Variants in FA2H observed in about 807,000 individuals in gnomAD.
FA2H encodes the protein fatty acid 2-hydroxylase.
A neutral mutation model predicts 44.9 loss-of-function variants in FA2H; 22 were observed. The ratio of observed to expected loss-of-function variants is 0.49; its 90% confidence interval spans 0.35 to 0.70. The LOEUF (loss-of-function observed/expected upper bound fraction) is 0.70. Among genes scored for constraint, FA2H ranks in the 30% least tolerant of loss-of-function variants. FA2H has a pLI of 0.01. For missense variants in FA2H, 501 were observed against 504.9 expected (o/e 0.99, Z 0.07); for synonymous variants, 243 against 213.2 (o/e 1.14, Z -1.22).
At chr16:74,754,934 CAT>C (rs2144652146) in intron 1 of FA2H, among the ~76,000 whole-genome samples, 1 of 152,178 alleles carries the variant, frequency 6.6e-6, no homozygotes, top group South Asian at 2.1e-4. Context: ...ACTGAGGAGA[CAT>C]TGACATAGAG....
At chr16:74,734,791 G>A (rs1420900205) in intron 2 of FA2H, among the ~76,000 whole-genome samples, 1 of 152,240 alleles carries the variant, frequency 6.6e-6, no homozygotes, top group African/African-American at 2.4e-5. Flanking sequence ...GGTGGCAAAT[G>A]TGGTGAGCGG....
At chr16:74,774,340 C>A (rs1202597451) in intron 1 of FA2H, 146 bp downstream of exon 1, 1 of 732,722 alleles carries the variant, frequency 1.4e-6, no homozygotes, top group Non-Finnish European at 2.0e-6. Context: ...GACCTGTTGC[C>A]TGGAGAGAAG....
chr16:74,747,603 T>G (rs146486701), intron 1 of FA2H, among the ~76,000 whole-genome samples: 3 of 152,038 alleles, frequency 2.0e-5, no homozygotes, highest in Non-Finnish European at 4.4e-5. Context: ...AAGGGGTGAT[T>G]TGGACACAGA....
chr16:74,725,086 A>G (rs2240245), intron 4 of FA2H, among the ~76,000 whole-genome samples: 132,378 of 152,218 alleles, frequency 0.87, 57,949 homozygotes, highest in African/African-American at 0.97. Context: ...ATTCAGCGTG[A>G]GCAGAACAGG....
intron 2 of FA2H, among the ~76,000 whole-genome samples, chr16:74,738,392 A>C (rs1962221965): frequency 6.6e-6 from 1 of 152,116 alleles, no homozygotes; most frequent in African/African-American, 2.4e-5. Flanking sequence ...TGCCTCCTGC[A>C]GTGATGGGGC....
Position 74,713,894 on chromosome 16 carries a change from C to T in FA2H, c.*296G>A. 2.4e-6 allele frequency: 1 copy of T among 412,076 alleles called. No homozygotes were observed. The highest frequency in any genetic ancestry group is 4.5e-6 in the Non-Finnish European group (1 of 223,814). 25.5% of individuals were successfully genotyped at this position (412,076 alleles called of 1,614,324 possible). A position where few individuals can be genotyped will look rare whatever the true frequency, so the allele number is the denominator to read the frequency against. ...TTTTCTTCATTTCCCCTTGCGGCTG[C>T]TACCTGTGGCCACGGCCTGAAGCAG... On this transcript the variant is annotated 3_prime_UTR_variant, in exon 7 of 7. Coordinates refer to ENST00000219368, the MANE Select transcript of FA2H (RefSeq NM_024306.5).
At chr16:74,762,152 C>T (rs539942123) in intron 1 of FA2H, among the ~76,000 whole-genome samples, 2 of 152,074 alleles carry the variant, frequency 1.3e-5, no homozygotes, top group Non-Finnish European at 2.9e-5. Context: ...AAGTGATTCT[C>T]CTGCCTCAGC....
At chr16:74,748,288 T>G (rs1293552278) in intron 1 of FA2H, among the ~76,000 whole-genome samples, 1 of 152,246 alleles carries the variant, frequency 6.6e-6, no homozygotes, top group African/African-American at 2.4e-5. Flanking sequence ...TGTTCTATTC[T>G]GCACTTCCCC....
At chr16:74,758,062 A>G (rs1486665066) in intron 1 of FA2H, among the ~76,000 whole-genome samples, 1 of 151,606 alleles carries the variant, frequency 6.6e-6, no homozygotes, top group African/African-American at 2.4e-5. Context: ...TCTCTGTGAG[A>G]TTACACAAAA....
At chr16:74,719,300 G>C (rs2144606812) in intron 4 of FA2H, 140 bp from the exon 5 acceptor site, 2 of 710,900 alleles carry the variant, frequency 2.8e-6, no homozygotes, top group South Asian at 3.4e-5. Context: ...CATACTGCTG[G>C]GGTCCTTGAG....
At chr16:74,731,298 C>CT (rs796570887) in intron 2 of FA2H, among the ~76,000 whole-genome samples, 14,715 of 131,272 alleles carry the variant, frequency 0.11, 1,123 homozygotes, top group East Asian at 0.36. Flanking sequence ...CCACGTCTGG[C>CT]TTTTTTTTTT....
intron 1 of FA2H, among the ~76,000 whole-genome samples, chr16:74,759,090 C>T (rs185637644): frequency 2.6e-5 from 4 of 152,332 alleles, no homozygotes; most frequent in Admixed American, 1.3e-4. Flanking sequence ...AGACTCATGA[C>T]ATCTAGTCTG....
intron 4 of FA2H, among the ~76,000 whole-genome samples, chr16:74,725,666 C>T (rs1229072440): frequency 6.6e-6 from 1 of 152,170 alleles, no homozygotes; most frequent in African/African-American, 2.4e-5. Flanking sequence ...GTAAATGAGG[C>T]GGTCCTGGGA....
intron 1 of FA2H, 82 bp downstream of exon 1, chr16:74,774,404 A>T (rs977797237): frequency 1.9e-5 from 26 of 1,350,456 alleles, no homozygotes; most frequent in Non-Finnish European, 2.3e-5. Context: ...GTCCTGCTAG[A>T]GGGCAAGTGA....
intron 1 of FA2H, among the ~76,000 whole-genome samples, chr16:74,751,648 G>T (rs1046738875): frequency 6.6e-6 from 1 of 151,896 alleles, no homozygotes; most frequent in African/African-American, 2.4e-5. Context: ...CAAGCAGAGA[G>T]GGCAAGAAAG....
intron 1 of FA2H, among the ~76,000 whole-genome samples, chr16:74,757,727 A>C (rs917645887): frequency 1.3e-5 from 2 of 152,168 alleles, no homozygotes; most frequent in African/African-American, 4.8e-5. Context: ...AGATAATACT[A>C]TATGTGTGGC....
At chr16:74,729,594 G>A (rs1189427348) in intron 2 of FA2H, among the ~76,000 whole-genome samples, 1 of 152,078 alleles carries the variant, frequency 6.6e-6, no homozygotes, top group East Asian at 1.9e-4. Context: ...GCTCAGAAAA[G>A]TTTGCAGGTT....
chr16:74,755,145 G>A (rs1460682155), intron 1 of FA2H, among the ~76,000 whole-genome samples: 1 of 135,392 alleles, frequency 7.4e-6, no homozygotes, highest in African/African-American at 2.8e-5. Flanking sequence ...AGAAGTGTGA[G>A]AGAATACATT....
At chr16:74,761,506 T>C (rs1029166405) in intron 1 of FA2H, among the ~76,000 whole-genome samples, 1 of 152,052 alleles carries the variant, frequency 6.6e-6, no homozygotes, top group African/African-American at 2.4e-5. Context: ...GATCACTATA[T>C]ACACTTAAGG....
Sources: allele counts gnomAD v4.1 joint callset (sites outside exome capture counted in the v4.1 genomes callset), GRCh38; gene constraint gnomAD v4.1.1; transcripts MANE v1.5; gene names NCBI Gene and HGNC (gene_info 2026-07-23, HGNC 2026-07-21).